RBFOX3: variants seen among roughly 807,000 people sequenced by gnomAD.
RBFOX3 encodes RNA binding fox-1 homolog 3, also known as RNA binding protein fox-1 homolog 3.
Under a neutral mutation model 48.7 loss-of-function variants are expected in RBFOX3, and 17 were observed. That is an observed-to-expected ratio of 0.35 (90% confidence interval 0.24 to 0.52). The LOEUF (loss-of-function observed/expected upper bound fraction) is 0.52, where lower values mean the gene tolerates loss of function less well. Among genes scored for constraint, RBFOX3 ranks in the 20% least tolerant of loss-of-function variants. The pLI, the probability that RBFOX3 is intolerant of heterozygous loss-of-function variation, is 0.94. For missense variants in RBFOX3, 382 were observed against 497.5 expected, an observed-to-expected ratio of 0.77 and a Z score of 2.21; for synonymous variants, 212 against 209.5, an observed-to-expected ratio of 1.01 and a Z score of -0.10.
intron 2 of RBFOX3, among the ~76,000 whole-genome samples, chr17:79,461,049 T>C (rs1201412509): frequency 2.0e-5 from 3 of 152,216 alleles, no homozygotes; most frequent in African/African-American, 4.8e-5. Flanking sequence ...GCCTTTCCAC[T>C]GGGCCCCCAA....
chr17:79,412,089 C>T (rs952025085), intron 2 of RBFOX3, among the ~76,000 whole-genome samples: 7 of 150,424 alleles, frequency 4.7e-5, no homozygotes, highest in African/African-American at 1.5e-4. Context: ...CGTGTATATA[C>T]GTATGTGGGG....
chr17:79,378,960 C>A (rs2059559063), intron 2 of RBFOX3, among the ~76,000 whole-genome samples: 1 of 152,192 alleles, frequency 6.6e-6, no homozygotes, highest in African/African-American at 2.4e-5. Flanking sequence ...CCAGGCTGCA[C>A]AAGCTTCGGA....
chr17:79,357,472 A>G (rs746333556), intron 2 of RBFOX3, among the ~76,000 whole-genome samples: 1 of 152,178 alleles, frequency 6.6e-6, no homozygotes, highest in Non-Finnish European at 1.5e-5. Context: ...TATTAAAAAT[A>G]TAAAAAAAAT....
chr17:79,600,001 G>C (rs1484736158), intron 1 of RBFOX3: 1 of 152,262 alleles, frequency 6.6e-6, no homozygotes, highest in African/African-American at 2.4e-5. Context: ...AAGTTTCCTT[G>C]AGGAAATTGC....
chr17:79,622,798 G>A, the RBFOX3 span, among the ~76,000 whole-genome samples: 5 of 152,158 alleles, frequency 3.3e-5, no homozygotes, highest in African/African-American at 7.2e-5. Flanking sequence ...GAGTTAGGAC[G>A]GCACCATATA....
At position 79,212,637 on chromosome 17, in the gene RBFOX3, C is replaced by T. The variant is rs140126922; in HGVS notation, c.-34+23129G>A. 0.015 allele frequency among the ~76,000 whole-genome samples: 2,254 copies of T among 152,322 alleles called. 35 individuals are homozygous for T. Among genetic ancestry groups the T allele is most frequent in the Non-Finnish European group, 0.021 (1,398 of 68,024 alleles). ...CTTCCCCAGCCCTGGAGGGCCTCCC[C>T]GTAATTGCAGGCCTTACTCTCTCTG... On this transcript the variant is annotated intron_variant, in intron 4 of 14. Transcript: ENST00000693108. This position sits in a 1 kb window ranked among gnomAD's most constrained non-coding sequence, Gnocchi z 4.7.
At chr17:79,644,451 CATT>C in the RBFOX3 span, among the ~76,000 whole-genome samples, 1 of 152,078 alleles carries the variant, frequency 6.6e-6, no homozygotes, top group African/African-American at 2.4e-5. Flanking sequence ...TTAGCAGTAA[CATT>C]GTTGAATTTT....
intron 1 of RBFOX3, among the ~76,000 whole-genome samples, chr17:79,555,202 C>T (rs1197914256): frequency 6.6e-6 from 1 of 152,262 alleles, no homozygotes; most frequent in Non-Finnish European, 1.5e-5. Flanking sequence ...TGGGTGATAG[C>T]TATCACATAC....
chr17:79,625,441 C>T, the RBFOX3 span, among the ~76,000 whole-genome samples: 20 of 152,234 alleles, frequency 1.3e-4, no homozygotes, highest in East Asian at 1.9e-4. Context: ...TTAGGGGTAT[C>T]GTAAATCAAG....
intron 4 of RBFOX3, among the ~76,000 whole-genome samples, chr17:79,188,190 G>A (rs549404238): frequency 7.9e-4 from 121 of 152,282 alleles, no homozygotes; most frequent in Non-Finnish European, 1.6e-3. Flanking sequence ...GCTGGCCTGC[G>A]AGGAAGGGCT....
intron 1 of RBFOX3, among the ~76,000 whole-genome samples, chr17:79,565,443 G>A (rs2092422120): frequency 6.6e-6 from 1 of 151,132 alleles, no homozygotes; most frequent in Non-Finnish European, 1.5e-5. Flanking sequence ...AGGTTCAAGC[G>A]ATTCTCCTGC....
chr17:79,327,202 C>G (rs1370644532), intron 2 of RBFOX3, among the ~76,000 whole-genome samples: 1 of 152,222 alleles, frequency 6.6e-6, no homozygotes, highest in Non-Finnish European at 1.5e-5. Flanking sequence ...CCATTCCCTT[C>G]CCTCGAATCA....
At chr17:79,376,873 A>G (rs115169480) in intron 2 of RBFOX3, among the ~76,000 whole-genome samples, 2,433 of 151,688 alleles carry the variant, frequency 0.016, 72 homozygotes, top group African/African-American at 0.056. Context: ...CCTCCCTGGA[A>G]CCCCGAGATG....
chr17:79,166,923 C>T (rs551068484), intron 4 of RBFOX3, among the ~76,000 whole-genome samples: 1 of 152,152 alleles, frequency 6.6e-6, no homozygotes, highest in Admixed American at 6.5e-5. Context: ...GCAAATTACA[C>T]CTCAATAAAG....
chr17:79,555,648 G>A (rs2091661838), intron 1 of RBFOX3, among the ~76,000 whole-genome samples: 2 of 152,100 alleles, frequency 1.3e-5, no homozygotes, highest in African/African-American at 2.4e-5. Flanking sequence ...CAGTGATGGT[G>A]GTGGTGGTGG....
At chr17:79,509,369 C>A (rs1240092612) in intron 1 of RBFOX3, among the ~76,000 whole-genome samples, 1 of 152,118 alleles carries the variant, frequency 6.6e-6, no homozygotes, top group Non-Finnish European at 1.5e-5. Flanking sequence ...CCCTCCAGCC[C>A]CAGAGCACAT....
chr17:79,563,113 T>C (rs1236527795), intron 1 of RBFOX3, among the ~76,000 whole-genome samples: 1 of 152,072 alleles, frequency 6.6e-6, no homozygotes, highest in Non-Finnish European at 1.5e-5. Flanking sequence ...TTTAGGAACA[T>C]TTGAAATGAA....
intron 2 of RBFOX3, among the ~76,000 whole-genome samples, chr17:79,422,272 C>T (rs1251385566): frequency 2.6e-5 from 4 of 152,200 alleles, no homozygotes; most frequent in South Asian, 2.1e-4. Context: ...AGCACAGCCT[C>T]GTCTTCCTGG....
intron 4 of RBFOX3, chr17:79,136,478 AC>A: frequency 6.6e-6 from 1 of 152,396 alleles, no homozygotes; most frequent in Non-Finnish European, 1.5e-5. Context: ...GTGAAGAAGC[AC>A]CCCCCACCGG....
Sources: gnomAD v4.1 joint callset for allele counts (sites outside exome capture counted in the v4.1 genomes callset) on GRCh38, gnomAD v4.1.1 for gene constraint, Gnocchi (gnomAD v3.1) non-coding constraint, MANE v1.5 for transcripts, NCBI Gene and HGNC (gene_info 2026-07-23, HGNC 2026-07-21) for gene names.